The following TTC27 variants were observed in gnomAD, a reference collection of about 807,000 sequenced individuals.
The protein encoded by TTC27 is tetratricopeptide repeat domain 27, also known as tetratricopeptide repeat protein 27.
TTC27 carries 79 observed loss-of-function variants against 115.9 expected under a neutral mutation model. The observed-to-expected ratio is 0.68, with a 90% confidence interval of 0.57 to 0.82. The LOEUF is 0.82. Among genes scored for constraint, TTC27 ranks in the 40% least tolerant of loss-of-function variants. The pLI, the probability that TTC27 is intolerant of heterozygous loss-of-function variation, is 0.00. For missense variants in TTC27, 1,054 were observed against 993.1 expected (o/e 1.06, Z -0.82); for synonymous variants, 401 against 356.0 (o/e 1.13, Z -1.42).
intron 9 of TTC27, among the ~76,000 whole-genome samples, chr2:32,682,844 G>GTGTTTTTTTT (rs1666481807): frequency 1.8e-5 from 1 of 56,988 alleles, no homozygotes; most frequent in South Asian, 9.3e-4. Context: ...AATTTTTATT[G>GTGTTTTTTTT]TTGTTTTTTT....
intron 12 of TTC27, among the ~76,000 whole-genome samples, chr2:32,746,581 A>AAAAAAAAAAAAAAAAAAAAAC (rs1668838434): frequency 6.6e-6 from 1 of 150,758 alleles, no homozygotes; most frequent in African/African-American, 2.4e-5. Context: ...AAAAAAAAAA[A>AAAAAAAAAAAAAAAAAAAAAC]AGAATGCACA....
intron 5 of TTC27, among the ~76,000 whole-genome samples, chr2:32,653,896 A>C (rs1023757873): frequency 6.6e-6 from 1 of 152,206 alleles, no homozygotes; most frequent in Non-Finnish European, 1.5e-5. Context: ...TATATGCCTA[A>C]TGTAAACCTT....
intron 9 of TTC27, among the ~76,000 whole-genome samples, chr2:32,691,052 G>A (rs1666792089): frequency 6.6e-6 from 1 of 152,144 alleles, no homozygotes; most frequent in Non-Finnish European, 1.5e-5. Context: ...GAGTAGCCTG[G>A]TTGTGTGTCA....
intron 5 of TTC27, among the ~76,000 whole-genome samples, chr2:32,652,602 G>T (rs549258282): frequency 1.6e-4 from 24 of 152,134 alleles, no homozygotes; most frequent in African/African-American, 5.8e-4. Context: ...AATTTTTTAT[G>T]TTGCTGTTCT....
At chr2:32,630,413 C>G in intron 1 of TTC27, 110 bp from the exon 2 acceptor site, 1 of 765,318 alleles carries the variant, frequency 1.3e-6, no homozygotes. Flanking sequence ...CATTCTAAGT[C>G]TATAGATTGT....
At chr2:32,646,719 A>G (rs1664877633) in intron 4 of TTC27, among the ~76,000 whole-genome samples, 2 of 151,472 alleles carry the variant, frequency 1.3e-5, no homozygotes, top group African/African-American at 2.4e-5. Flanking sequence ...TCCCACCAGT[A>G]CGCCCAGCTA....
intron 16 of TTC27, among the ~76,000 whole-genome samples, chr2:32,791,323 G>A (rs894500576): frequency 1.3e-5 from 2 of 151,976 alleles, no homozygotes; most frequent in Admixed American, 1.3e-4. Context: ...GCAACATTTT[G>A]GGAAAATAAT....
chr2:32,720,114 C>T (rs190365947), intron 10 of TTC27, among the ~76,000 whole-genome samples: 5 of 152,272 alleles, frequency 3.3e-5, no homozygotes, highest in Admixed American at 2.6e-4. Flanking sequence ...GGCCTCTCCC[C>T]ATTCTTATTG....
intron 9 of TTC27, among the ~76,000 whole-genome samples, chr2:32,700,677 A>G (rs532193455): frequency 1.3e-5 from 2 of 152,210 alleles, no homozygotes; most frequent in East Asian, 3.9e-4. Flanking sequence ...AGCTGGTATC[A>G]CAGGCACTCG....
At chr2:32,653,930 A>G (rs1170365368) in intron 5 of TTC27, among the ~76,000 whole-genome samples, 2 of 152,198 alleles carry the variant, frequency 1.3e-5, no homozygotes, top group Non-Finnish European at 2.9e-5. Flanking sequence ...TCAAAGCTCA[A>G]AACTTTGCTT....
At chr2:32,777,712 C>T (rs1670043422) in intron 13 of TTC27, among the ~76,000 whole-genome samples, 170 bp from the exon 14 acceptor site, 1 of 152,122 alleles carries the variant, frequency 6.6e-6, no homozygotes, top group South Asian at 2.1e-4. Context: ...GAAAAATTTA[C>T]CTCCATTGCT....
intron 16 of TTC27, among the ~76,000 whole-genome samples, chr2:32,795,345 A>G (rs1670662427): frequency 6.6e-6 from 1 of 152,006 alleles, no homozygotes; most frequent in Non-Finnish European, 1.5e-5. Context: ...GGGGAAAAAA[A>G]AATCTCACCT....
rs35409636 is a variant in TTC27, at chr2:32,656,933, C to T, written c.640+6700C>T. 7.6e-3 allele frequency among the ~76,000 whole-genome samples: 1,151 copies of T among 152,024 alleles called. 13 individuals are homozygous for T. Among genetic ancestry groups the T allele is most frequent in the Non-Finnish European group, 0.011 (752 of 68,004 alleles). ...CTACCTAGCTCTTCCTACCCTACCC[C>T]ATTTTTAGGGAAGAATAGGACTTAA... On this transcript the variant is annotated intron_variant, in intron 5 of 19. Transcript: ENST00000317907.
rs1264254728 is a variant in TTC27, at chr2:32,760,674, C to T, written c.1680+2155C>T. Among the ~76,000 whole-genome samples the T allele has an allele frequency of 2.0e-5, 3 of 152,118 alleles. No individual in the cohort carries two copies. The East Asian group carries it at 5.8e-4, about 29-fold the overall frequency. ...ATTTTACTTTTCTGAAAAACTGTATCATATCCTTGCATATCTTGGAAGCTT... is the reference window on the plus strand; with the variant it reads ...ATTTTACTTTTCTGAAAAACTGTATTATATCCTTGCATATCTTGGAAGCTT... On this transcript the variant is annotated intron_variant, in intron 13 of 19. Coordinates refer to ENST00000317907, the MANE Select transcript of TTC27 (RefSeq NM_017735.5).
chr2:32,794,030 T>C (rs1670623365), intron 16 of TTC27, among the ~76,000 whole-genome samples: 1 of 152,146 alleles, frequency 6.6e-6, no homozygotes, highest in Admixed American at 6.5e-5. Context: ...AAGATGTAAT[T>C]TTGTGACATC....
intron 10 of TTC27, among the ~76,000 whole-genome samples, chr2:32,725,999 C>A (rs1466498046): frequency 6.6e-6 from 1 of 152,218 alleles, no homozygotes; most frequent in Non-Finnish European, 1.5e-5. Flanking sequence ...CTACATTGGC[C>A]TCTTTCAGCC....
intron 13 of TTC27, among the ~76,000 whole-genome samples, chr2:32,769,572 A>T (rs979039077): frequency 6.6e-5 from 10 of 152,196 alleles, no homozygotes; most frequent in Admixed American, 1.3e-4. Context: ...ACTCCTGTGG[A>T]TAAAGGAGAG....
chr2:32,636,984 A>C (rs1664452849), intron 3 of TTC27, among the ~76,000 whole-genome samples: 1 of 152,196 alleles, frequency 6.6e-6, no homozygotes, highest in Admixed American at 6.5e-5. Context: ...GTGAAAAATC[A>C]CTTGATGGAG....
chr2:32,731,602 C>T (rs1162387840), intron 10 of TTC27, among the ~76,000 whole-genome samples: 2 of 152,170 alleles, frequency 1.3e-5, no homozygotes, highest in Admixed American at 6.5e-5. Context: ...TGGTCTTGAA[C>T]TCCAGGGCTC....
Sources: gnomAD v4.1 joint callset for allele counts (sites outside exome capture counted in the v4.1 genomes callset) on GRCh38, gnomAD v4.1.1 for gene constraint, MANE v1.5 for transcripts, NCBI Gene and HGNC (gene_info 2026-07-23, HGNC 2026-07-21) for gene names.